Variants in C8A observed in about 807,000 individuals in gnomAD.
C8A encodes complement C8 alpha chain.
Under a neutral mutation model 65.3 loss-of-function variants are expected in C8A, and 67 were observed. That is an observed-to-expected ratio of 1.03 (90% confidence interval 0.84 to 1.26). C8A has a LOEUF of 1.26. C8A is among the 50% of genes most tolerant of loss of function. C8A has a pLI of 0.00. For missense variants in C8A, 781 were observed against 723.9 expected (o/e 1.08, Z -0.90); for synonymous variants, 290 against 259.4 (o/e 1.12, Z -1.13).
chr1:56,898,119 G>A (rs902989671), intron 7 of C8A, among the ~76,000 whole-genome samples: 2 of 152,150 alleles, frequency 1.3e-5, no homozygotes, highest in Non-Finnish European at 2.9e-5. Context: ...AAGTAGGTAA[G>A]GATGAGTAAA....
At chr1:56,883,881 A>G (rs1049959677) in intron 6 of C8A, among the ~76,000 whole-genome samples, 200 bp downstream of exon 6, 1 of 151,652 alleles carries the variant, frequency 6.6e-6, no homozygotes, top group Non-Finnish European at 1.5e-5. Context: ...AATAAAATTG[A>G]ATGATAAGAC....
At chr1:56,917,541 C>T (rs769264846) in intron 10 of C8A, 24 bp from the exon 11 acceptor site, 3 of 1,613,870 alleles carry the variant, frequency 1.9e-6, no homozygotes, top group Admixed American at 1.7e-5. Context: ...TAACCTTCTC[C>T]TCCCTGGGAA....
chr1:56,873,114 C>T (rs1334290273), intron 2 of C8A, among the ~76,000 whole-genome samples: 1 of 152,170 alleles, frequency 6.6e-6, no homozygotes, highest in Non-Finnish European at 1.5e-5. Context: ...GTTTGATCTT[C>T]ACCTCTCCTT....
At chr1:56,906,868 A>ATT in intron 8 of C8A, 76 bp downstream of exon 8, 1 of 1,575,138 alleles carries the variant, frequency 6.3e-7, no homozygotes, top group Non-Finnish European at 8.7e-7. Flanking sequence ...CATGGAAGCT[A>ATT]TTTTTTTTCC....
At position 56,854,951 on chromosome 1, in the gene C8A, G is replaced by C. The variant is rs779787811; in HGVS notation, c.50G>C (p.Gly17Ala). ...TTGTCTTTGATGACTTGTCAGCCTGGGGTAACTGCACAGGAGAAGGTGAAC... is the reference window on the plus strand; with the variant it reads ...TTGTCTTTGATGACTTGTCAGCCTGCGGTAACTGCACAGGAGAAGGTGAAC... The part of the protein sequence containing the change: ...FILSLMTCQP[G>A]VTAQEKVNQR... The change falls in exon 1 of 11, where the codon GGG (glycine) becomes GCG (alanine). Residue 17 changes from glycine (G) to alanine (A), a missense_variant. By Grantham distance (60) the Gly-to-Ala change is moderately conservative (BLOSUM62 0). Transcript: ENST00000361249. 1 of 1,613,628 alleles carries C rather than the reference G, an allele frequency of 6.2e-7. No individual in the cohort carries two copies. The highest frequency in any genetic ancestry group is 8.5e-7 in the Non-Finnish European group (1 of 1,179,852).
At chr1:56,877,548 C>T (rs980961600) in intron 4 of C8A, among the ~76,000 whole-genome samples, 1 of 152,152 alleles carries the variant, frequency 6.6e-6, no homozygotes, top group Non-Finnish European at 1.5e-5. Flanking sequence ...TAGTCCTCTG[C>T]CACTCTGTCT....
At chr1:56,890,345 T>C (rs1461856831) in intron 7 of C8A, among the ~76,000 whole-genome samples, 1 of 152,166 alleles carries the variant, frequency 6.6e-6, no homozygotes, top group Non-Finnish European at 1.5e-5. Flanking sequence ...ATACATTCAT[T>C]CATTCAACCA....
At chr1:56,870,041 G>A (rs780242920) in intron 2 of C8A, among the ~76,000 whole-genome samples, 6 of 152,142 alleles carry the variant, frequency 3.9e-5, no homozygotes, top group Non-Finnish European at 8.8e-5. Context: ...GAGAAGTGCT[G>A]AAGAATCTTA....
chr1:56,854,953 G>T lies in C8A; in HGVS notation c.52G>T (p.Val18Leu), dbSNP rs768812752. 1.2e-6 allele frequency: 2 copies of T among 1,613,638 alleles called. No individual in the cohort carries two copies. Among genetic ancestry groups the T allele is most frequent in the African/African-American group, 2.7e-5 (2 of 74,918 alleles). The change falls in exon 1 of 11, where the codon GTA (valine) becomes TTA (leucine). Residue 18 changes from valine (V) to leucine (L), a missense_variant. Transcript: ENST00000361249. ...ILSLMTCQPG[V>L]TAQEKVNQRV... is the part of the protein sequence containing the mutation. The stretch of plus-strand genomic sequence containing the variant: ...GTCTTTGATGACTTGTCAGCCTGGG[G>T]TAACTGCACAGGAGAAGGTGAACCA...
intron 10 of C8A, among the ~76,000 whole-genome samples, chr1:56,914,316 C>A (rs1226250240): frequency 6.6e-6 from 1 of 152,046 alleles, no homozygotes; most frequent in African/African-American, 2.4e-5. Flanking sequence ...TAGATGACCA[C>A]TTTTCAGGGA....
intron 1 of C8A, among the ~76,000 whole-genome samples, chr1:56,861,215 T>C (rs1280656563): frequency 6.6e-6 from 1 of 152,194 alleles, no homozygotes; most frequent in Admixed American, 6.5e-5. Context: ...AAGTGCTTGC[T>C]CTCAGCTCTC....
At chr1:56,885,439 A>T (rs12089655) in intron 6 of C8A, among the ~76,000 whole-genome samples, 61 of 119,390 alleles carry the variant, frequency 5.1e-4, no homozygotes, top group African/African-American at 1.7e-3. Flanking sequence ...TATATATTTA[A>T]GTAAATATAT....
Position 56,917,758 on chromosome 1 carries a change from AC to A in C8A, c.*46del. The A allele has an allele frequency of 6.2e-7, 1 of 1,609,480 alleles. No homozygotes were observed. Among genetic ancestry groups the A allele is most frequent in the Non-Finnish European group, 8.5e-7 (1 of 1,176,798 alleles). On this transcript the variant is annotated 3_prime_UTR_variant, in exon 11 of 11. Transcript: ENST00000361249. ...GCTGGACCAGATGCTGTGGATGTCG[AC>A]CCCTGCACTGACTATTGGATAAAGA...
chr1:56,901,746 A>G (rs1644428377), intron 7 of C8A, among the ~76,000 whole-genome samples: 1 of 151,918 alleles, frequency 6.6e-6, no homozygotes, highest in Non-Finnish European at 1.5e-5. Flanking sequence ...ATCTCCCATT[A>G]TACTCCTAGC....
At chr1:56,885,395 A>AATATATATTTATTTAAATATATATTTAC (rs1644287537) in intron 6 of C8A, among the ~76,000 whole-genome samples, 7 of 111,304 alleles carry the variant, frequency 6.3e-5, no homozygotes, top group African/African-American at 3.1e-4. Context: ...TATATATTTA[A>AATATATATTTATTTAAATATATATTTAC]ATAAATATAT....
At chr1:56,893,857 C>T (rs990650923) in intron 7 of C8A, among the ~76,000 whole-genome samples, 1 of 152,070 alleles carries the variant, frequency 6.6e-6, no homozygotes, top group African/African-American at 2.4e-5. Flanking sequence ...CTATCTCCAC[C>T]CTTTATCAGT....
chr1:56,910,520 C>T (rs1238870064), intron 9 of C8A, among the ~76,000 whole-genome samples: 4 of 152,208 alleles, frequency 2.6e-5, no homozygotes, highest in Non-Finnish European at 5.9e-5. Flanking sequence ...CAGAGCCCCA[C>T]TGGAAAGTCA....
chr1:56,865,350 G>A (rs1429477075), intron 1 of C8A, among the ~76,000 whole-genome samples: 2 of 152,212 alleles, frequency 1.3e-5, no homozygotes, highest in African/African-American at 4.8e-5. Flanking sequence ...CAGATTCAGT[G>A]TCTGGTGAGG....
intron 7 of C8A, among the ~76,000 whole-genome samples, chr1:56,895,940 C>T (rs6670243): frequency 0.03 from 4,606 of 152,076 alleles, 200 homozygotes; most frequent in African/African-American, 0.11. Flanking sequence ...CAGAGAGAGG[C>T]CCTGTCTCAA....
Sources: allele counts gnomAD v4.1 joint callset (sites outside exome capture counted in the v4.1 genomes callset), GRCh38; gene constraint gnomAD v4.1.1; transcripts MANE v1.5; gene names NCBI Gene and HGNC (gene_info 2026-07-23, HGNC 2026-07-21).